NEBL: variants seen among roughly 807,000 people sequenced by gnomAD.
NEBL encodes the protein LIM and SH3 protein 2.
A neutral mutation model predicts 140.2 loss-of-function variants in NEBL; 122 were observed. The ratio of observed to expected loss-of-function variants is 0.87; its 90% confidence interval spans 0.75 to 1.01. The LOEUF (loss-of-function observed/expected upper bound fraction) is 1.01, where lower values mean the gene tolerates loss of function less well. NEBL is among the 50% of genes least tolerant of loss of function. NEBL has a pLI of 0.00. For missense variants in NEBL, 1,365 were observed against 1,231.3 expected, an observed-to-expected ratio of 1.11 and a Z score of -1.62; for synonymous variants, 436 against 398.9, an observed-to-expected ratio of 1.09 and a Z score of -1.11.
At chr10:20,927,036 A>G (rs1833945884) in intron 4 of NEBL, among the ~76,000 whole-genome samples, 2 of 152,212 alleles carry the variant, frequency 1.3e-5, no homozygotes, top group African/African-American at 4.8e-5. Context: ...TGGTGGAAAG[A>G]AAGGATGGGA....
At chr10:21,035,107 T>C (rs1833962015) in intron 2 of NEBL, among the ~76,000 whole-genome samples, 3 of 152,068 alleles carry the variant, frequency 2.0e-5, no homozygotes, top group Non-Finnish European at 4.4e-5. Flanking sequence ...CAAGTGATTA[T>C]CATGTCTCAG....
At chr10:21,262,385 C>G (rs1466412127) in intron 1 of NEBL, among the ~76,000 whole-genome samples, 1 of 152,178 alleles carries the variant, frequency 6.6e-6, no homozygotes, top group African/African-American at 2.4e-5. Context: ...TGCTCTCTGG[C>G]CCACTCGGCT....
chr10:20,966,301 CAAG>C, intron 3 of NEBL, among the ~76,000 whole-genome samples: 1 of 152,302 alleles, frequency 6.6e-6, no homozygotes, highest in Middle Eastern at 3.4e-3. Flanking sequence ...AAGCAAGAAT[CAAG>C]AAACCTGAAT....
chr10:20,786,007 T>G, intron 27 of NEBL, 84 bp from the exon 28 acceptor site: 2 of 1,281,366 alleles, frequency 1.6e-6, no homozygotes, highest in Non-Finnish European at 2.3e-6. Flanking sequence ...GACCCACACA[T>G]AAAGTAACTA....
chr10:20,916,752 C>G (rs533157352), intron 4 of NEBL, among the ~76,000 whole-genome samples: 17 of 152,252 alleles, frequency 1.1e-4, no homozygotes, highest in Admixed American at 5.9e-4. Context: ...AGCTTCTAAC[C>G]TGGCTTAGGT....
At chr10:21,083,942 C>T (rs1337851548) in intron 2 of NEBL, among the ~76,000 whole-genome samples, 3 of 152,236 alleles carry the variant, frequency 2.0e-5, no homozygotes, top group African/African-American at 2.4e-5. Context: ...CCTTTTCTTA[C>T]TGAAGAGCCT....
At chr10:20,845,871 G>A (rs1485314171) in intron 11 of NEBL, among the ~76,000 whole-genome samples, 1 of 152,176 alleles carries the variant, frequency 6.6e-6, no homozygotes, top group African/African-American at 2.4e-5. Context: ...CTGAGGGTTA[G>A]GGAGGGGGTT....
intron 3 of NEBL, among the ~76,000 whole-genome samples, chr10:21,233,581 C>A (rs1032640197): frequency 6.9e-6 from 1 of 144,292 alleles, no homozygotes; most frequent in Non-Finnish European, 1.5e-5. Context: ...TATATATACA[C>A]ATGTACATAT....
chr10:20,793,999 G>C (rs904278428), intron 26 of NEBL, among the ~76,000 whole-genome samples: 2 of 152,186 alleles, frequency 1.3e-5, no homozygotes, highest in African/African-American at 4.8e-5. Flanking sequence ...TTTTCCCCCA[G>C]TGCTTTGTTT....
chr10:20,852,648 C>T lies in NEBL; in HGVS notation c.905G>A (p.Arg302Gln), dbSNP rs372726051. Residue 302 changes from arginine to glutamine, a missense_variant and splice_region_variant, in exon 10 of 28, where the codon CGA becomes CAA. Arg to Gln is a conservative substitution (Grantham distance 43). This residue lies in a region of NEBL where 1,323 missense variants were observed against 1,154.8 expected (regional missense o/e 1.15). Transcript: ENST00000377122. ...VLKASKMLSGREYKKLFEENK... is the reference protein window; with the variant it reads ...VLKASKMLSGQEYKKLFEENK... ...TTCCTCAAAGAGCTTTTTATATTCT[C>T]GCTAAAATACAGAATGGGGAAATCA... 1.1e-5 allele frequency: 17 copies of T among 1,599,648 alleles called. No homozygotes were observed. Among genetic ancestry groups the T allele is most frequent in the Middle Eastern group, 1.7e-4 (1 of 6,036 alleles).
intron 12 of NEBL, among the ~76,000 whole-genome samples, chr10:20,843,603 T>C (rs929271108): frequency 3.3e-5 from 5 of 152,172 alleles, no homozygotes; most frequent in Non-Finnish European, 7.4e-5. Flanking sequence ...TAGTAGGAAG[T>C]TGCCATTATT....
intron 3 of NEBL, among the ~76,000 whole-genome samples, chr10:21,182,005 G>A (rs184266073): frequency 8.5e-5 from 13 of 152,250 alleles, no homozygotes; most frequent in Admixed American, 4.6e-4. Context: ...CACAGGGACC[G>A]CCCATCAGCA....
chr10:20,912,670 G>C (rs994365218), intron 4 of NEBL, among the ~76,000 whole-genome samples: 4 of 151,630 alleles, frequency 2.6e-5, no homozygotes, highest in Admixed American at 6.6e-5. Context: ...TCCTACTTAC[G>C]TTGCACCTAG....
intron 3 of NEBL, among the ~76,000 whole-genome samples, chr10:21,187,065 TTTA>T (rs1458236997): frequency 6.6e-6 from 1 of 151,830 alleles, no homozygotes; most frequent in African/African-American, 2.4e-5. Flanking sequence ...TTATTCTACC[TTTA>T]TTTATTCCTA....
At chr10:20,880,701 G>A (rs756201691) in intron 5 of NEBL, 93 bp downstream of exon 5, 20 of 928,288 alleles carry the variant, frequency 2.2e-5, no homozygotes, top group Non-Finnish European at 3.4e-5. Context: ...GAACAGGGCT[G>A]TTGTAATGTT....
At chr10:21,202,465 T>TTTTTTTC (rs1841754043) in intron 3 of NEBL, among the ~76,000 whole-genome samples, 1 of 144,024 alleles carries the variant, frequency 6.9e-6, no homozygotes, top group African/African-American at 2.6e-5. Context: ...CTTTTTCTTT[T>TTTTTTTC]TTTTTTTTTT....
intron 3 of NEBL, among the ~76,000 whole-genome samples, chr10:20,989,291 G>GGTTTTTT (rs56980548): frequency 0.14 from 21,058 of 151,842 alleles, 3,100 homozygotes; most frequent in African/African-American, 0.38. Flanking sequence ...ACTTTGGGGA[G>GGTTTTTT]GTTTTTTGTT....
At chr10:21,035,745 T>C in intron 2 of NEBL, among the ~76,000 whole-genome samples, 1 of 152,060 alleles carries the variant, frequency 6.6e-6, no homozygotes. Context: ...TTCAAAATCA[T>C]ACACATTTTC....
intron 3 of NEBL, among the ~76,000 whole-genome samples, chr10:21,016,333 A>G (rs1838553709): frequency 6.6e-6 from 1 of 152,214 alleles, no homozygotes; most frequent in Non-Finnish European, 1.5e-5. Context: ...TATTTCATAA[A>G]ATGTTATTAT....
Sources: allele counts gnomAD v4.1 joint callset (sites outside exome capture counted in the v4.1 genomes callset), GRCh38; gene constraint gnomAD v4.1.1; regional missense constraint gnomAD v4.1.1; transcripts MANE v1.5; gene names NCBI Gene and HGNC (gene_info 2026-07-23, HGNC 2026-07-21).